Variants in KCNN2 observed in about 807,000 individuals in gnomAD.
The protein encoded by KCNN2 is small conductance calcium-activated potassium channel protein 2.
Under a neutral mutation model 55.5 loss-of-function variants are expected in KCNN2, and 24 were observed. The observed-to-expected ratio is 0.43, with a 90% CI of 0.31 to 0.61. The LOEUF (loss-of-function observed/expected upper bound fraction) is 0.61. Among genes scored for constraint, KCNN2 ranks in the 20% least tolerant of loss-of-function variants. The pLI is 0.08. For missense variants in KCNN2, 754 were observed against 853.6 expected (o/e 0.88, Z 1.45); for synonymous variants, 431 against 336.1 (o/e 1.28, Z -3.09).
At chr5:114,219,316 T>A (rs1394503210) in intron 1 of KCNN2, among the ~76,000 whole-genome samples, 1 of 152,204 alleles carries the variant, frequency 6.6e-6, no homozygotes. Context: ...CAGCCTTTTG[T>A]ATCTGCACTC....
chr5:114,134,251 A>G (rs1752125302), intron 1 of KCNN2, among the ~76,000 whole-genome samples: 2 of 151,100 alleles, frequency 1.3e-5, no homozygotes, highest in Admixed American at 1.3e-4. Flanking sequence ...CAGGAATTTC[A>G]CAGCTTATGG....
intron 2 of KCNN2, among the ~76,000 whole-genome samples, chr5:114,260,483 G>C (rs761149376): frequency 6.6e-6 from 1 of 152,002 alleles, no homozygotes; most frequent in Non-Finnish European, 1.5e-5. Flanking sequence ...ATTTGTTTGC[G>C]TGTATGTAAA....
intron 1 of KCNN2, among the ~76,000 whole-genome samples, chr5:114,129,530 C>T (rs187532517): frequency 1.3e-5 from 2 of 152,296 alleles, no homozygotes; most frequent in East Asian, 3.9e-4. Flanking sequence ...CTTCTTCCAT[C>T]CTAATCATAG....
chr5:114,249,102 A>T (rs914622975), intron 2 of KCNN2, among the ~76,000 whole-genome samples: 2 of 152,212 alleles, frequency 1.3e-5, no homozygotes, highest in African/African-American at 2.4e-5. Flanking sequence ...CATAAAATAA[A>T]ACATGAGAAG....
chr5:114,183,845 A>T (rs1230964847), intron 1 of KCNN2, among the ~76,000 whole-genome samples: 14 of 148,758 alleles, frequency 9.4e-5, no homozygotes, highest in Admixed American at 9.4e-4. Context: ...TTTCTGTTTT[A>T]TTATTTTTTT....
intron 1 of KCNN2, among the ~76,000 whole-genome samples, chr5:114,116,684 A>C (rs1277480502): frequency 6.6e-6 from 1 of 152,164 alleles, no homozygotes; most frequent in East Asian, 1.9e-4. Flanking sequence ...AATATTTAGT[A>C]ATTTAAACCT....
chr5:114,272,124 A>G (rs1580679548), intron 2 of KCNN2, among the ~76,000 whole-genome samples: 2 of 152,132 alleles, frequency 1.3e-5, no homozygotes, highest in African/African-American at 4.8e-5. Flanking sequence ...AAAACACAAT[A>G]CCTTCCCTCA....
intron 3 of KCNN2, among the ~76,000 whole-genome samples, chr5:114,417,462 C>T (rs1380187114): frequency 1.3e-5 from 2 of 151,962 alleles, no homozygotes; most frequent in African/African-American, 2.4e-5. Context: ...GTTTTTTATC[C>T]CTGTTTAAAG....
chr5:114,241,433 G>A (rs1754617408), intron 2 of KCNN2, among the ~76,000 whole-genome samples: 2 of 151,622 alleles, frequency 1.3e-5, no homozygotes, highest in African/African-American at 4.8e-5. Flanking sequence ...ACATCATTCT[G>A]TCTTCAGGAG....
chr5:114,211,279 T>C (rs1753878766), intron 1 of KCNN2, among the ~76,000 whole-genome samples: 2 of 152,152 alleles, frequency 1.3e-5, no homozygotes, highest in Non-Finnish European at 2.9e-5. Context: ...ACTGCAGCAA[T>C]ATTTACAATA....
intron 2 of KCNN2, among the ~76,000 whole-genome samples, chr5:114,313,527 AAAGATG>A (rs1014493426): frequency 2.6e-4 from 39 of 152,282 alleles, no homozygotes; most frequent in South Asian, 6.2e-4. Flanking sequence ...ACGTGTGGAC[AAAGATG>A]AAGATGAAGA....
At chr5:114,321,850 AG>A (rs1368674222) in intron 2 of KCNN2, among the ~76,000 whole-genome samples, 1 of 152,008 alleles carries the variant, frequency 6.6e-6, no homozygotes, top group Non-Finnish European at 1.5e-5. Flanking sequence ...TTATATTTTT[AG>A]TAGAGACGGG....
At chr5:114,466,098 G>A (rs1761433621) in intron 4 of KCNN2, among the ~76,000 whole-genome samples, 1 of 152,038 alleles carries the variant, frequency 6.6e-6, no homozygotes, top group East Asian at 1.9e-4. Context: ...AAGAGACCAA[G>A]ATCTCTTATT....
At chr5:114,440,401 C>T (rs2150094068) in intron 3 of KCNN2, among the ~76,000 whole-genome samples, 1 of 152,248 alleles carries the variant, frequency 6.6e-6, no homozygotes, top group East Asian at 1.9e-4. Flanking sequence ...ACCAGGTCCT[C>T]ACTAAAATAA....
At chr5:114,453,311 A>G (rs760700426) in intron 3 of KCNN2, among the ~76,000 whole-genome samples, 2 of 152,174 alleles carry the variant, frequency 1.3e-5, no homozygotes, top group Non-Finnish European at 2.9e-5. Flanking sequence ...AAAACAAGAG[A>G]TGCATTGCCT....
intron 3 of KCNN2, among the ~76,000 whole-genome samples, chr5:114,436,371 C>T (rs1760004012): frequency 6.6e-6 from 1 of 152,124 alleles, no homozygotes; most frequent in Non-Finnish European, 1.5e-5. Flanking sequence ...ATAATCAGTT[C>T]AACTGATTCT....
chr5:114,253,931 T>C (rs915996242), intron 2 of KCNN2, among the ~76,000 whole-genome samples: 7 of 152,220 alleles, frequency 4.6e-5, no homozygotes, highest in African/African-American at 1.7e-4. Context: ...CTTGTTTGCA[T>C]TCTGCATCAA....
upstream of KCNN2, among the ~76,000 whole-genome samples, chr5:114,359,906 G>C (rs1434440616): frequency 6.6e-6 from 1 of 152,070 alleles, no homozygotes; most frequent in Admixed American, 6.5e-5. Flanking sequence ...AAATTACTTC[G>C]CAGGATTGTT....
chr5:114,307,528 G>T (rs1756309110), intron 2 of KCNN2, among the ~76,000 whole-genome samples: 1 of 152,100 alleles, frequency 6.6e-6, no homozygotes, highest in Admixed American at 6.5e-5. Context: ...CATTGATACT[G>T]TAAAACCCAG....
Sources: allele counts gnomAD v4.1 joint callset (sites outside exome capture counted in the v4.1 genomes callset), GRCh38; gene constraint gnomAD v4.1.1; transcripts MANE v1.5; gene names NCBI Gene and HGNC (gene_info 2026-07-23, HGNC 2026-07-21).